AUTS2: variants seen among roughly 807,000 people sequenced by gnomAD.
AUTS2 encodes activator of transcription and developmental regulator AUTS2, also known as autism susceptibility gene 2 protein.
A neutral mutation model predicts 112.4 loss-of-function variants in AUTS2; 17 were observed. The ratio of observed to expected loss-of-function variants is 0.15; its 90% confidence interval spans 0.10 to 0.23. The LOEUF is 0.23. AUTS2 is among the 10% of genes least tolerant of loss of function. AUTS2 has a pLI of 1.00. For synonymous variants in AUTS2, 751 were observed against 702.7 expected (o/e 1.07, Z -1.09); for missense variants, 1,510 against 1,701.6 (o/e 0.89, Z 1.98).
At chr7:69,810,682 C>T (rs1042557199) in intron 1 of AUTS2, among the ~76,000 whole-genome samples, 6 of 152,060 alleles carry the variant, frequency 3.9e-5, no homozygotes, top group South Asian at 2.1e-4. Flanking sequence ...ATCTTCCTTC[C>T]GTTTGAATAT....
chr7:70,663,956 G>C (rs1370470376), intron 5 of AUTS2, among the ~76,000 whole-genome samples: 1 of 152,158 alleles, frequency 6.6e-6, no homozygotes. Flanking sequence ...GGTGAATGCA[G>C]CCTAAAATTG....
intron 1 of AUTS2, among the ~76,000 whole-genome samples, chr7:69,831,183 T>C (rs1791484629): frequency 6.6e-6 from 1 of 152,222 alleles, no homozygotes; most frequent in Non-Finnish European, 1.5e-5. Context: ...TGAAGGGTTT[T>C]TTTCTTTTGA....
chr7:69,806,790 A>T (rs1287591509), intron 1 of AUTS2, among the ~76,000 whole-genome samples: 1 of 151,978 alleles, frequency 6.6e-6, no homozygotes, highest in Non-Finnish European at 1.5e-5. Flanking sequence ...TAGCCATCAC[A>T]CTCTACTGTT....
chr7:70,239,733 C>A (rs1812510981), intron 4 of AUTS2, among the ~76,000 whole-genome samples: 1 of 152,052 alleles, frequency 6.6e-6, no homozygotes, highest in Non-Finnish European at 1.5e-5. Context: ...CCATACCCGG[C>A]CCCTGCAACC....
intron 15 of AUTS2, 168 bp from the exon 16 acceptor site, chr7:70,784,760 AAAAAAAAAAAAAAC>A: frequency 1.6e-5 from 7 of 442,024 alleles, no homozygotes; most frequent in East Asian, 4.9e-5. Context: ...AAAAAAAAAA[AAAAAAAAAAAAAAC>A]ACACATTTTC....
rs116542446 is a variant in AUTS2 at position 70,671,313 on chromosome 7, A to G, written c.691-27256A>G. 2.7e-3 allele frequency among the ~76,000 whole-genome samples: 414 copies of G among 152,368 alleles called. 4 individuals are homozygous for G. Among genetic ancestry groups the G allele is most frequent in the African/African-American group, 9.4e-3 (390 of 41,598 alleles). ...TGGGCAGCCACTCATAGCCTTCATA[A>G]AATGACTTAGATTTGATGCTTGAAA... is the stretch of plus-strand genomic sequence containing the variant. On this transcript the variant is annotated intron_variant, in intron 5 of 18. Transcript: ENST00000342771.
At chr7:70,297,426 A>AT (rs764795939) in intron 4 of AUTS2, among the ~76,000 whole-genome samples, 2,412 of 136,438 alleles carry the variant, frequency 0.018, 41 homozygotes, top group African/African-American at 0.042. Context: ...GAGGAAGATA[A>AT]TTTTTTTTTT....
chr7:70,636,831 G>A (rs536804707), intron 5 of AUTS2, among the ~76,000 whole-genome samples: 2 of 149,370 alleles, frequency 1.3e-5, no homozygotes, highest in East Asian at 3.9e-4. Flanking sequence ...TTTAAGAGAT[G>A]GGGGTCTTGC....
intron 5 of AUTS2, among the ~76,000 whole-genome samples, chr7:70,533,728 G>T (rs973245818): frequency 2.6e-5 from 4 of 152,238 alleles, no homozygotes; most frequent in African/African-American, 9.6e-5. Context: ...GTCAGACAAA[G>T]AGTTGGATGC....
In AUTS2 at chr7:70,104,036, TC is replaced by T. The variant is rs779251391; in HGVS notation, c.523-14095del. ...ATCATCCTGTTTTTAAGCTACTAGA[TC>T]AGAGAATGTGATGTGCCCACTTGTC... is the stretch of plus-strand genomic sequence containing the variant. On this transcript the variant is annotated intron_variant, in intron 2 of 18. Transcript: ENST00000342771. Among the ~76,000 whole-genome samples, 11 of 151,986 alleles carry T rather than the reference TC, an allele frequency of 7.2e-5. No homozygotes were observed. The South Asian group carries it at 2.3e-3, about 32-fold the overall frequency.
In AUTS2 at chr7:70,425,640, G is replaced by A. The variant is rs187451906; in HGVS notation, c.661-10112G>A. Among the ~76,000 whole-genome samples, 4 of 152,268 alleles carry A rather than the reference G, an allele frequency of 2.6e-5. No homozygotes were observed. In the East Asian group the frequency reaches 7.7e-4, roughly 29 times the overall value. On this transcript the variant is annotated intron_variant, in intron 4 of 18. Coordinates refer to ENST00000342771, the MANE Select transcript of AUTS2 (RefSeq NM_015570.4). ...ACACTAGACCCTGTGATGATTCCAG[G>A]GACAACCAGCCTGCACTTTCTGAGG...
chr7:70,103,631 G>T (rs970193693), intron 2 of AUTS2, among the ~76,000 whole-genome samples: 6 of 152,150 alleles, frequency 3.9e-5, no homozygotes, highest in Admixed American at 6.5e-5. Flanking sequence ...AGTAGGCTGG[G>T]TGCAGTGGCT....
chr7:70,431,516 T>G (rs1383379398), intron 4 of AUTS2, among the ~76,000 whole-genome samples: 2 of 151,848 alleles, frequency 1.3e-5, no homozygotes, highest in Admixed American at 6.6e-5. Context: ...CTCCTGAGTA[T>G]CTGGGATTAC....
intron 5 of AUTS2, among the ~76,000 whole-genome samples, chr7:70,578,140 A>G (rs1030807943): frequency 1.3e-5 from 2 of 152,090 alleles, no homozygotes; most frequent in Admixed American, 1.3e-4. Context: ...TTTTGTCCAT[A>G]TGTGTTTTGT....
At chr7:70,556,587 T>C (rs1801258397) in intron 5 of AUTS2, among the ~76,000 whole-genome samples, 1 of 152,182 alleles carries the variant, frequency 6.6e-6, no homozygotes, top group Non-Finnish European at 1.5e-5. Flanking sequence ...CTTCCTTCAC[T>C]TCTTTACCCA....
chr7:69,666,651 C>T (rs1392727366), intron 1 of AUTS2, among the ~76,000 whole-genome samples: 1 of 152,106 alleles, frequency 6.6e-6, no homozygotes, highest in Non-Finnish European at 1.5e-5. Flanking sequence ...CCTGTAATCC[C>T]AACACTTTGA....
At position 70,677,491 on chromosome 7, in the gene AUTS2, G is replaced by A. The variant is rs148925962; in HGVS notation, c.691-21078G>A. Among the ~76,000 whole-genome samples the A allele has an allele frequency of 8.7e-3, 1,319 of 152,200 alleles. 10 individuals are homozygous for A. The highest frequency in any genetic ancestry group is 0.013 in the Non-Finnish European group (917 of 68,012). The stretch of plus-strand genomic sequence containing the variant: ...GCATCGCCCTTTGTGTTGCATCACT[G>A]CCACACACTCGTGCGTTCCTTGAGG... On this transcript the variant is annotated intron_variant, in intron 5 of 18. Transcript: ENST00000342771.
chr7:69,993,189 A>G (rs532587994), intron 2 of AUTS2, among the ~76,000 whole-genome samples: 3 of 152,306 alleles, frequency 2.0e-5, no homozygotes, highest in Non-Finnish European at 4.4e-5. Flanking sequence ...AGCAAGGCTC[A>G]TCGTTTCTGT....
chr7:69,900,380 G>A (rs1227106146), intron 2 of AUTS2, among the ~76,000 whole-genome samples: 1 of 152,192 alleles, frequency 6.6e-6, no homozygotes, highest in East Asian at 1.9e-4. Context: ...CTAATTAGAG[G>A]TGGAATAGGT....
Sources: allele counts gnomAD v4.1 joint callset (sites outside exome capture counted in the v4.1 genomes callset), GRCh38; gene constraint gnomAD v4.1.1; transcripts MANE v1.5; gene names NCBI Gene and HGNC (gene_info 2026-07-23, HGNC 2026-07-21).